Variants in PRDM5 observed in about 807,000 individuals in gnomAD.
The protein encoded by PRDM5 is PR/SET domain 5, also known as PR domain zinc finger protein 5.
PRDM5 carries 56 observed loss-of-function variants against 81.2 expected under a neutral mutation model. The ratio of observed to expected loss-of-function variants is 0.69; its 90% confidence interval spans 0.56 to 0.86. The LOEUF is 0.86. Ranked by LOEUF, PRDM5 falls within the 40% of genes least tolerant of loss-of-function variation. PRDM5 has a pLI of 0.00. For missense variants in PRDM5, 697 were observed against 770.1 expected (o/e 0.91, Z 1.12); for synonymous variants, 267 against 256.4 (o/e 1.04, Z -0.39).
chr4:120,893,339 G>A (rs1764271058), intron 2 of PRDM5, among the ~76,000 whole-genome samples: 1 of 152,176 alleles, frequency 6.6e-6, no homozygotes, highest in Non-Finnish European at 1.5e-5. Flanking sequence ...CTGCTGCCTT[G>A]ATGGATCCCC....
chr4:120,721,210 G>A (rs958584490), intron 14 of PRDM5, among the ~76,000 whole-genome samples: 7 of 152,170 alleles, frequency 4.6e-5, no homozygotes, highest in Non-Finnish European at 8.8e-5. Context: ...ATTTGGAATC[G>A]TGAGACAAAA....
intron 2 of PRDM5, among the ~76,000 whole-genome samples, chr4:120,856,947 T>C (rs1759942659): frequency 1.3e-5 from 2 of 152,206 alleles, no homozygotes; most frequent in South Asian, 2.1e-4. Flanking sequence ...ATCTTCTGCA[T>C]ACCTGGGGCC....
At chr4:120,748,003 C>G (rs961946154) in intron 14 of PRDM5, among the ~76,000 whole-genome samples, 1 of 152,148 alleles carries the variant, frequency 6.6e-6, no homozygotes, top group African/African-American at 2.4e-5. Flanking sequence ...TTCTTTTGAA[C>G]CTAATGTTTA....
intron 11 of PRDM5, 152 bp from the exon 12 acceptor site, chr4:120,781,455 T>C (rs1303433850): frequency 4.1e-6 from 3 of 729,908 alleles, no homozygotes; most frequent in Non-Finnish European, 7.1e-6. Flanking sequence ...TCCAGTTCCA[T>C]TATTTGCTAA....
intron 2 of PRDM5, among the ~76,000 whole-genome samples, chr4:120,872,428 C>T (rs1761926746): frequency 1.3e-5 from 2 of 151,890 alleles, no homozygotes; most frequent in African/African-American, 4.8e-5. Context: ...AACATTATGC[C>T]AAATGGAATA....
intron 8 of PRDM5, among the ~76,000 whole-genome samples, chr4:120,810,254 A>AG (rs1359111859): frequency 1.3e-5 from 2 of 152,190 alleles, no homozygotes; most frequent in African/African-American, 4.8e-5. Context: ...TAAATGGGTC[A>AG]GAAAAATAAA....
intron 15 of PRDM5, among the ~76,000 whole-genome samples, chr4:120,696,173 A>G (rs1324032012): frequency 1.3e-5 from 2 of 152,122 alleles, no homozygotes; most frequent in Non-Finnish European, 2.9e-5. Flanking sequence ...GGGTAATCCA[A>G]TAATAATGAA....
intron 2 of PRDM5, among the ~76,000 whole-genome samples, chr4:120,857,204 C>T (rs1334438292): frequency 6.6e-6 from 1 of 152,008 alleles, no homozygotes; most frequent in Non-Finnish European, 1.5e-5. Context: ...TTAAAAAATA[C>T]GAAAATTAGC....
Position 120,699,191 on chromosome 4 carries a change from T to G in PRDM5, c.1729-3916A>C, listed in dbSNP as rs1379770949. Among the ~76,000 whole-genome samples the G allele has an allele frequency of 6.2e-4, 76 of 122,936 alleles. 1 individual carries two copies. The South Asian group carries it at 0.018, about 29-fold the overall frequency. The allele number at this position is 122,936 out of a possible 152,430, so 80.7% of individuals were successfully genotyped here. A position where few individuals can be genotyped will look rare whatever the true frequency, so the allele number is the denominator to read the frequency against. ...ATATATATATATATATATATATATA[T>G]ATATATATATATATTTCAGATGTCT... On this transcript the variant is annotated intron_variant, in intron 15 of 15. Transcript: ENST00000264808.
chr4:120,713,404 A>G (rs2941872), intron 14 of PRDM5, among the ~76,000 whole-genome samples: 150,832 of 152,296 alleles, frequency 0.99, 74,709 homozygotes, highest in South Asian at 1. Context: ...GATTACTTCT[A>G]TCTAAGATGG....
At chr4:120,785,956 C>T (rs1429805004) in intron 10 of PRDM5, among the ~76,000 whole-genome samples, 1 of 152,100 alleles carries the variant, frequency 6.6e-6, no homozygotes, top group Non-Finnish European at 1.5e-5. Flanking sequence ...TTACATTACA[C>T]ACCAGTATAA....
At chr4:120,889,734 G>A (rs1411151249) in intron 2 of PRDM5, among the ~76,000 whole-genome samples, 1 of 152,050 alleles carries the variant, frequency 6.6e-6, no homozygotes, top group Non-Finnish European at 1.5e-5. Context: ...CCTCAAGTAG[G>A]CCCTGATGTC....
At chr4:120,778,363 T>C (rs1056388018) in intron 12 of PRDM5, among the ~76,000 whole-genome samples, 5 of 152,152 alleles carry the variant, frequency 3.3e-5, no homozygotes, top group African/African-American at 1.2e-4. Context: ...TTTTTTTAAA[T>C]GACATTTCTC....
chr4:120,703,851 A>AAAAT (rs1735732169), intron 15 of PRDM5, among the ~76,000 whole-genome samples: 1 of 152,136 alleles, frequency 6.6e-6, no homozygotes, highest in South Asian at 2.1e-4. Context: ...AACTATTACT[A>AAAAT]AAATATCTCA....
intron 2 of PRDM5, among the ~76,000 whole-genome samples, chr4:120,903,649 T>G (rs1450564209): frequency 3.3e-5 from 5 of 152,142 alleles, no homozygotes; most frequent in Non-Finnish European, 5.9e-5. Context: ...AACCTCACCA[T>G]GAACTGCAAT....
chr4:120,772,219 TC>T (rs1363532857), intron 13 of PRDM5, among the ~76,000 whole-genome samples: 1 of 152,028 alleles, frequency 6.6e-6, no homozygotes, highest in Non-Finnish European at 1.5e-5. Flanking sequence ...GAACTCAGAG[TC>T]CCCTGAACCC....
intron 2 of PRDM5, among the ~76,000 whole-genome samples, chr4:120,888,660 G>A (rs1469433576): frequency 6.6e-6 from 1 of 152,112 alleles, no homozygotes; most frequent in Admixed American, 6.5e-5. Context: ...CATATATTCA[G>A]CTCTAGTAGA....
intron 2 of PRDM5, among the ~76,000 whole-genome samples, chr4:120,873,724 G>A (rs150037091): frequency 1.3e-5 from 2 of 152,178 alleles, no homozygotes; most frequent in East Asian, 1.9e-4. Context: ...TGTAACTGAA[G>A]AACTTCATAA....
chr4:120,827,616 A>G (rs1756172415), intron 3 of PRDM5, among the ~76,000 whole-genome samples: 1 of 152,114 alleles, frequency 6.6e-6, no homozygotes, highest in African/African-American at 2.4e-5. Flanking sequence ...AAAAACTACT[A>G]TCATCAGTAT....
Sources: gnomAD v4.1 joint callset for allele counts (sites outside exome capture counted in the v4.1 genomes callset) on GRCh38, gnomAD v4.1.1 for gene constraint, MANE v1.5 for transcripts, NCBI Gene and HGNC (gene_info 2026-07-23, HGNC 2026-07-21) for gene names.